The following C12orf42 variants were observed in gnomAD, a reference collection of about 807,000 sequenced individuals.
C12orf42 encodes the protein chromosome 12 open reading frame 42, also known as uncharacterized protein C12orf42.
A neutral mutation model predicts 21.6 loss-of-function variants in C12orf42; 25 were observed. The ratio of observed to expected loss-of-function variants is 1.16; its 90% CI spans 0.84 to 1.62. The LOEUF (loss-of-function observed/expected upper bound fraction) is 1.62. Among genes scored for constraint, C12orf42 ranks in the 40% most tolerant of loss-of-function variants. C12orf42 has a pLI of 0.00. For missense variants in C12orf42, 483 were observed against 459.3 expected, an observed-to-expected ratio of 1.05 and a Z score of -0.47; for synonymous variants, 174 against 175.0, an observed-to-expected ratio of 0.99 and a Z score of 0.05.
chr12:103,057,167 G>A, the C12orf42 span, among the ~76,000 whole-genome samples: 9 of 151,766 alleles, frequency 5.9e-5, no homozygotes, highest in African/African-American at 2.2e-4. Flanking sequence ...AAGGGAAGGG[G>A]AGAACAGCAC....
chr12:103,537,316 G>T, the C12orf42 span, among the ~76,000 whole-genome samples: 1 of 147,778 alleles, frequency 6.8e-6, no homozygotes, highest in Non-Finnish European at 1.5e-5. Context: ...GATAGTTTGC[G>T]TTCTTAAGGT....
At chr12:103,513,001 CA>C in the C12orf42 span, among the ~76,000 whole-genome samples, 4,859 of 123,802 alleles carry the variant, frequency 0.039, 237 homozygotes, top group African/African-American at 0.13. Flanking sequence ...GACTCCATAT[CA>C]AAAAAAAAAA....
intron 3 of C12orf42, among the ~76,000 whole-genome samples, chr12:103,369,291 G>A (rs936633168): frequency 6.6e-6 from 1 of 151,822 alleles, no homozygotes; most frequent in Non-Finnish European, 1.5e-5. Context: ...TAGACAGTGG[G>A]GATACAAGAG....
intron 10 of C12orf42, among the ~76,000 whole-genome samples, chr12:103,247,868 C>T (rs1003672929): frequency 6.6e-6 from 1 of 152,026 alleles, no homozygotes; most frequent in Non-Finnish European, 1.5e-5. Context: ...CTATTAAATG[C>T]TCAGCAGGGG....
the C12orf42 span, among the ~76,000 whole-genome samples, chr12:103,073,240 C>A: frequency 0.025 from 3,830 of 152,120 alleles, 151 homozygotes; most frequent in African/African-American, 0.087. Flanking sequence ...GGGCTTAATG[C>A]CTGGGTGATG....
At chr12:103,287,021 T>A (rs1247829168) in intron 4 of C12orf42, among the ~76,000 whole-genome samples, 3 of 151,438 alleles carry the variant, frequency 2.0e-5, no homozygotes, top group Admixed American at 6.6e-5. Context: ...CTCACACCAG[T>A]TAGAATGGCG....
intron 2 of C12orf42, among the ~76,000 whole-genome samples, chr12:103,441,760 A>T (rs1327654150): frequency 7.9e-5 from 12 of 152,198 alleles, no homozygotes; most frequent in Admixed American, 7.9e-4. Flanking sequence ...GTGTTCTCAA[A>T]TGACAGAAAC....
At chr12:103,496,737 A>G (rs1178753072), upstream of C12orf42, among the ~76,000 whole-genome samples, 1 of 151,936 alleles carries the variant, frequency 6.6e-6, no homozygotes, top group Non-Finnish European at 1.5e-5. Flanking sequence ...AAGAAAGTGG[A>G]CATTCACACC....
the C12orf42 span, among the ~76,000 whole-genome samples, chr12:103,553,560 A>T: frequency 6.6e-6 from 1 of 152,218 alleles, no homozygotes; most frequent in Admixed American, 6.5e-5. Context: ...ACAGGAAAAA[A>T]ACAATTTCAT....
chr12:103,156,371 T>G, the C12orf42 span, among the ~76,000 whole-genome samples: 7 of 152,166 alleles, frequency 4.6e-5, no homozygotes, highest in Non-Finnish European at 8.8e-5. Flanking sequence ...GGGCAGGGCT[T>G]CAGGAGTGCT....
chr12:103,328,477 A>G (rs750523155), intron 4 of C12orf42, among the ~76,000 whole-genome samples: 20 of 152,294 alleles, frequency 1.3e-4, no homozygotes, highest in Non-Finnish European at 2.8e-4. Flanking sequence ...ATTAAATAGT[A>G]TCATATAGGA....
At chr12:103,150,018 C>T in the C12orf42 span, among the ~76,000 whole-genome samples, 54 of 151,952 alleles carry the variant, frequency 3.6e-4, no homozygotes, top group African/African-American at 1.3e-3. Flanking sequence ...GCTTATTTTC[C>T]CACCCATATT....
intron 10 of C12orf42, among the ~76,000 whole-genome samples, chr12:103,255,853 C>T (rs1232678836): frequency 6.6e-6 from 1 of 150,508 alleles, no homozygotes; most frequent in Admixed American, 6.6e-5. Flanking sequence ...AGATCGACAC[C>T]ATCCTGGCTA....
chr12:103,324,960 C>T (rs2040530836), intron 4 of C12orf42, among the ~76,000 whole-genome samples: 1 of 152,120 alleles, frequency 6.6e-6, no homozygotes, highest in Non-Finnish European at 1.5e-5. Context: ...GAAGGAGGTA[C>T]TGAAGGAAGA....
chr12:103,428,541 C>T (rs7313920), intron 2 of C12orf42, among the ~76,000 whole-genome samples: 92,120 of 152,008 alleles, frequency 0.61, 29,345 homozygotes, highest in Admixed American at 0.72. Context: ...ACAAGAGGTA[C>T]AAGGAGGAGC....
the C12orf42 span, among the ~76,000 whole-genome samples, chr12:103,049,880 G>T: frequency 6.6e-6 from 1 of 151,994 alleles, no homozygotes; most frequent in African/African-American, 2.4e-5. Flanking sequence ...CAACCACCCT[G>T]GTTAAAACAG....
At chr12:103,274,623 CTGTT>C (rs1317522753) in intron 5 of C12orf42, among the ~76,000 whole-genome samples, 1 of 152,094 alleles carries the variant, frequency 6.6e-6, no homozygotes, top group African/African-American at 2.4e-5. Flanking sequence ...TGTTTTTCTA[CTGTT>C]TGTGTCTGTC....
the C12orf42 span, among the ~76,000 whole-genome samples, chr12:103,133,558 C>A: frequency 6.6e-6 from 1 of 152,160 alleles, no homozygotes; most frequent in South Asian, 2.1e-4. Flanking sequence ...CAACCATACC[C>A]CAAGCCACTG....
chr12:103,260,705 A>G (rs2034852440), intron 10 of C12orf42, among the ~76,000 whole-genome samples: 1 of 152,236 alleles, frequency 6.6e-6, no homozygotes, highest in South Asian at 2.1e-4. Flanking sequence ...CTTCAGAGCG[A>G]TGGCAAAATA....
Sources: allele counts gnomAD v4.1 joint callset (sites outside exome capture counted in the v4.1 genomes callset), GRCh38; gene constraint gnomAD v4.1.1; transcripts MANE v1.5; gene names NCBI Gene and HGNC (gene_info 2026-07-23, HGNC 2026-07-21).